The following MBIP variants were observed in gnomAD, a reference collection of about 807,000 sequenced individuals.
The protein encoded by MBIP is MAP3K12-binding inhibitory protein 1.
A neutral mutation model predicts 45.7 loss-of-function variants in MBIP; 32 were observed. The ratio of observed to expected loss-of-function variants is 0.70; its 90% CI spans 0.53 to 0.94. The LOEUF (loss-of-function observed/expected upper bound fraction) is 0.94, where lower values mean the gene tolerates loss of function less well. Ranked by LOEUF, MBIP falls within the 40% of genes least tolerant of loss-of-function variation. The pLI, the probability that MBIP is intolerant of heterozygous loss-of-function variation, is 0.00. For missense variants in MBIP, 381 were observed against 405.5 expected (o/e 0.94, Z 0.52); for synonymous variants, 145 against 141.0 (o/e 1.03, Z -0.20).
At chr14:36,315,549 GA>G (rs375931725) in intron 2 of MBIP, among the ~76,000 whole-genome samples, 18 of 146,052 alleles carry the variant, frequency 1.2e-4, no homozygotes, top group East Asian at 7.9e-4. Flanking sequence ...AAACGAACAA[GA>G]AAAAAAAAAG....
At chr14:36,311,117 T>C (rs1207294121) in intron 6 of MBIP, among the ~76,000 whole-genome samples, 2 of 152,016 alleles carry the variant, frequency 1.3e-5, no homozygotes, top group African/African-American at 4.8e-5. Flanking sequence ...TCAACAGACA[T>C]GGTGACTAAA....
Position 36,316,751 on chromosome 14 carries a change from G to A in MBIP, c.191C>T (p.Ser64Leu), listed in dbSNP as rs967120704. The change falls in exon 2 of 9, where the codon TCG (serine) becomes TTG (leucine). Residue 64 changes from serine to leucine, a missense_variant. Coordinates refer to ENST00000416007, the MANE Select transcript of MBIP (RefSeq NM_016586.3). ...AAAGAGCAATGCAGGCTGGAATGCC[G>A]AGAGGCTCTGGAGCTTGTTCCAATC... ...TIDWNKLQSLSAFQPALLFSA... is the reference protein window; with the variant it reads ...TIDWNKLQSLLAFQPALLFSA... 6.2e-6 allele frequency: 10 copies of A among 1,612,962 alleles called. No homozygotes were observed. Among genetic ancestry groups the A allele is most frequent in the East Asian group, 4.5e-5 (2 of 44,836 alleles).
chr14:36,300,216 A>G (rs1879456496), intron 8 of MBIP, among the ~76,000 whole-genome samples: 1 of 152,230 alleles, frequency 6.6e-6, no homozygotes, highest in African/African-American at 2.4e-5. Context: ...TGAGGGATCA[A>G]CTATAATAAT....
At chr14:36,300,959 T>A (rs1046653389) in intron 7 of MBIP, 136 bp from the exon 8 acceptor site, 26 of 544,374 alleles carry the variant, frequency 4.8e-5, no homozygotes, top group Non-Finnish European at 7.5e-5. Context: ...CAATACCAAT[T>A]ACTGTCTGTA....
At chr14:36,302,434 G>T (rs1475392442) in intron 7 of MBIP, among the ~76,000 whole-genome samples, 1 of 149,248 alleles carries the variant, frequency 6.7e-6, no homozygotes, top group East Asian at 2.0e-4. Context: ...GGAGGTTGCA[G>T]TGAGCCGAGA....
At chr14:36,311,332 G>A (rs1198639830) in intron 6 of MBIP, among the ~76,000 whole-genome samples, 1 of 151,866 alleles carries the variant, frequency 6.6e-6, no homozygotes, top group Non-Finnish European at 1.5e-5. Flanking sequence ...TCTTAGGCAT[G>A]TTTGCTTGGG....
intron 7 of MBIP, among the ~76,000 whole-genome samples, chr14:36,306,712 T>C (rs1261847728): frequency 6.6e-6 from 1 of 152,342 alleles, no homozygotes; most frequent in East Asian, 1.9e-4. Flanking sequence ...TAACAAGGTA[T>C]GAAATTGAAC....
rs189322650 is a variant in MBIP, at chr14:36,303,563, C to T, written c.889-2740G>A. The stretch of plus-strand genomic sequence containing the variant: ...ACAATGGTATATGTGTATCTAAACA[C>T]GTCTCAACATAGAAAAGATACAGTA... On this transcript the variant is annotated intron_variant, in intron 7 of 8. Transcript: ENST00000416007. Among the ~76,000 whole-genome samples, 182 of 152,260 alleles carry T rather than the reference C, an allele frequency of 1.2e-3. 1 individual carries two copies. The highest frequency in any genetic ancestry group is 3.9e-3 in the Admixed American group (59 of 15,294).
chr14:36,318,177 C>T (rs1880688788), intron 1 of MBIP, among the ~76,000 whole-genome samples: 1 of 151,994 alleles, frequency 6.6e-6, no homozygotes, highest in African/African-American at 2.4e-5. Context: ...TCATAGTCTT[C>T]AAGGAGATCT....
chr14:36,307,214 T>C (rs760528340), intron 7 of MBIP, among the ~76,000 whole-genome samples: 2 of 152,208 alleles, frequency 1.3e-5, no homozygotes, highest in Non-Finnish European at 2.9e-5. Context: ...ACTTCTTTTC[T>C]GTAACTCACT....
intron 6 of MBIP, among the ~76,000 whole-genome samples, chr14:36,309,996 G>A (rs979963728): frequency 1.3e-5 from 2 of 152,146 alleles, no homozygotes; most frequent in Non-Finnish European, 2.9e-5. Context: ...GGATTATAAA[G>A]TCCTTGAAGC....
chr14:36,300,161 G>C (rs1200596342), intron 8 of MBIP, among the ~76,000 whole-genome samples: 3 of 152,092 alleles, frequency 2.0e-5, no homozygotes, highest in Non-Finnish European at 4.4e-5. Context: ...AAAAAAGTTA[G>C]TTAACTTTAA....
rs764199598 is a variant in MBIP, at chr14:36,320,472, G to A, written c.117C>T (p.Thr39=). The A allele has an allele frequency of 1.2e-6, 2 of 1,614,104 alleles. No individual in the cohort carries two copies. Among genetic ancestry groups the A allele is most frequent in the Non-Finnish European group, 1.7e-6 (2 of 1,180,034 alleles). The change falls in exon 1 of 9, where the codon ACC becomes ACT. Residue 39 remains threonine (T), a synonymous_variant. Transcript: ENST00000416007. ...GGCCACCTCTCACCTGTCCAACCAG[G>A]GTGTGTAGGGAGCGAAAGATTTCGT... The part of the protein sequence containing the change: ...VLYEIFRSLH[T]LVGQLDLRDD...
At chr14:36,320,418 C>A (rs1489133334) in intron 1 of MBIP, 42 bp downstream of exon 1, 3 of 1,612,752 alleles carry the variant, frequency 1.9e-6, no homozygotes, top group African/African-American at 2.7e-5. Context: ...GAGGAGGGAC[C>A]GGATGGTTTC....
intron 7 of MBIP, among the ~76,000 whole-genome samples, chr14:36,302,263 C>T (rs371792892): frequency 3.9e-5 from 6 of 152,018 alleles, no homozygotes; most frequent in South Asian, 2.1e-4. Context: ...GAGGCCGAGG[C>T]GGGTGGATCA....
intron 1 of MBIP, among the ~76,000 whole-genome samples, chr14:36,318,394 A>T (rs1434982382): frequency 1.3e-5 from 2 of 151,946 alleles, no homozygotes; most frequent in Non-Finnish European, 2.9e-5. Context: ...AAACCACATA[A>T]TGTCACAAAT....
At position 36,311,593 on chromosome 14, in the gene MBIP, G is replaced by T. The variant is rs780748644; in HGVS notation, c.770C>A (p.Ala257Asp). Residue 257 changes from alanine to aspartate, a missense_variant, in exon 6 of 9, where the codon GCC (alanine) becomes GAC (aspartate). Physicochemically the swap from Ala to Asp is moderately radical, Grantham distance 126. Transcript: ENST00000416007. The part of the protein sequence containing the change: ...AVEERLQNIE[A>D]HLRLQTGGPV... The stretch of plus-strand genomic sequence containing the variant: ...CTTACCTGTCTGTAACCGCAAGTGG[G>T]CCTCAATATTTTGTAGTCGTTCTTC... The T allele has an allele frequency of 3.7e-6, 6 of 1,611,986 alleles. No individual in the cohort carries two copies. Among genetic ancestry groups the T allele is most frequent in the Non-Finnish European group, 5.1e-6 (6 of 1,178,738 alleles).
rs187616849 is a variant in MBIP, at chr14:36,307,637, G to A, written c.888+455C>T. 1.1e-4 allele frequency among the ~76,000 whole-genome samples: 17 copies of A among 152,338 alleles called. No homozygotes were observed. In the East Asian group the frequency reaches 3.3e-3, roughly 29 times the overall value. On this transcript the variant is annotated intron_variant, in intron 7 of 8. Transcript: ENST00000416007. ...TAGAAAGTCTGGTGGTTAAGGTAAA[G>A]AATAAGAGTGGCAGCTTGAGGTGTG... is the stretch of plus-strand genomic sequence containing the variant.
intron 2 of MBIP, among the ~76,000 whole-genome samples, chr14:36,315,312 C>A (rs1024700082): frequency 6.6e-6 from 1 of 152,074 alleles, no homozygotes; most frequent in Non-Finnish European, 1.5e-5. Context: ...CCTCAGAACA[C>A]TAAGGCTTAG....
Sources: gnomAD v4.1 joint callset for allele counts (sites outside exome capture counted in the v4.1 genomes callset) on GRCh38, gnomAD v4.1.1 for gene constraint, MANE v1.5 for transcripts, NCBI Gene and HGNC (gene_info 2026-07-23, HGNC 2026-07-21) for gene names.